MLANA: variants seen among roughly 807,000 people sequenced by gnomAD.
MLANA encodes melan-A, also known as melanoma antigen recognized by T-cells 1.
In MLANA, 21 loss-of-function variants were observed where a neutral mutation model predicts 15.7. The observed-to-expected ratio is 1.33, with a 90% CI of 0.95 to 1.92. MLANA has a LOEUF of 1.92. Among genes scored for constraint, MLANA ranks in the 40% most tolerant of loss-of-function variants. MLANA has a pLI of 0.00. For missense variants in MLANA, 164 were observed against 143.8 expected, an observed-to-expected ratio of 1.14 and a Z score of -0.72; for synonymous variants, 56 against 51.5, an observed-to-expected ratio of 1.09 and a Z score of -0.37.
rs1482795840 is a variant in MLANA, at chr9:5,894,754, C to T, written c.77+2203C>T. Among the ~76,000 whole-genome samples, 1 of 152,132 alleles carries T rather than the reference C, an allele frequency of 6.6e-6. No homozygotes were observed. ...TGGAAGGAGCTGCTCCTTCTTGATGCCCCAGGTTTGTAGGCACCCTCTAGA... is the reference window on the plus strand; with the variant it reads ...TGGAAGGAGCTGCTCCTTCTTGATGTCCCAGGTTTGTAGGCACCCTCTAGA... On this transcript the variant is annotated intron_variant, in intron 2 of 4. Coordinates refer to ENST00000381477, the MANE Select transcript of MLANA (RefSeq NM_005511.2). This position sits in a 1 kb window ranked among gnomAD's most constrained non-coding sequence, Gnocchi z 4.0.
rs1833041688 is a variant in MLANA at position 5,909,617 on chromosome 9, C to T, written c.*909C>T. On this transcript the variant is annotated 3_prime_UTR_variant, in exon 5 of 5. Transcript: ENST00000381477. ...TCTAATTACATTTCACTTCAAGGCT[C>T]AATGCTATTCTAACTAATGACAAGT... 3 of 152,196 alleles carry T rather than the reference C, an allele frequency of 2.0e-5. No individual in the cohort carries two copies. Among genetic ancestry groups the T allele is most frequent in the African/African-American group, 7.2e-5 (3 of 41,446 alleles). 9.4% of individuals were successfully genotyped at this position (152,196 alleles called of 1,614,324 possible).
At position 5,897,561 on chromosome 9, in the gene MLANA, G is replaced by T. The variant is rs371000952; in HGVS notation, c.82G>T (p.Ala28Ser). The T allele has an allele frequency of 8.7e-6, 14 of 1,613,862 alleles. No individual in the cohort carries two copies. Among genetic ancestry groups the T allele is most frequent in the Non-Finnish European group, 2.5e-6 (3 of 1,179,818 alleles). The change falls in exon 3 of 5, where the codon GCT becomes TCT. Residue 28 changes from alanine (A) to serine (S), a missense_variant. Transcript: ENST00000381477. ...TTTGTCTATCTCTTGGGCCAGGGCC[G>T]CTGGGATCGGCATCCTGACAGTGAT... ...GHSYTTAEEA[A>S]GIGILTVILG...
In MLANA at chr9:5,908,818, G is replaced by C. The variant is rs2130011801; in HGVS notation, c.*110G>C. 1 of 1,018,780 alleles carries C rather than the reference G, an allele frequency of 9.8e-7. No individual in the cohort carries two copies. The highest frequency in any genetic ancestry group is 1.6e-5 in the African/African-American group (1 of 62,546). The allele number at this position is 1,018,780 out of a possible 1,614,324, so 63.1% of individuals were successfully genotyped here. A position where few individuals can be genotyped will look rare whatever the true frequency, so the allele number is the denominator to read the frequency against. On this transcript the variant is annotated 3_prime_UTR_variant, in exon 5 of 5. Coordinates refer to ENST00000381477, the MANE Select transcript of MLANA (RefSeq NM_005511.2). ...TTGGAATGGTGTAGGAAAAATGCAAGCCATCTCTAATAATAAGTCAGTGTT... is the reference window on the plus strand; with the variant it reads ...TTGGAATGGTGTAGGAAAAATGCAACCCATCTCTAATAATAAGTCAGTGTT...
chr9:5,907,812 G>C (rs895387835), intron 4 of MLANA, among the ~76,000 whole-genome samples: 1 of 152,156 alleles, frequency 6.6e-6, no homozygotes, highest in Non-Finnish European at 1.5e-5. Flanking sequence ...AATTAGCCAA[G>C]CGTGGTGGTG....
intron 1 of MLANA, chr9:5,891,348 T>G (rs1831646213): frequency 6.6e-6 from 1 of 152,254 alleles, no homozygotes; most frequent in African/African-American, 2.4e-5. Context: ...AAGATTCCAT[T>G]CTGTCATTTT....
At chr9:5,902,381 A>G (rs1428899655) in intron 3 of MLANA, among the ~76,000 whole-genome samples, 4 of 152,180 alleles carry the variant, frequency 2.6e-5, no homozygotes, top group Non-Finnish European at 5.9e-5. Flanking sequence ...GCCTAGCTAA[A>G]GGCTTATCAA....
chr9:5,905,808 A>T (rs1832765875), intron 3 of MLANA, among the ~76,000 whole-genome samples: 1 of 152,152 alleles, frequency 6.6e-6, no homozygotes, highest in Non-Finnish European at 1.5e-5. Flanking sequence ...TATAAAACCA[A>T]ATCATAACCC....
intron 3 of MLANA, among the ~76,000 whole-genome samples, chr9:5,900,121 T>C (rs1832318086): frequency 6.6e-6 from 1 of 152,242 alleles, no homozygotes; most frequent in Admixed American, 6.5e-5. Flanking sequence ...AGTTTGATCC[T>C]ATTGAACACA....
intron 2 of MLANA, among the ~76,000 whole-genome samples, chr9:5,893,334 C>G (rs2150704): frequency 0.62 from 93,603 of 152,018 alleles, 30,773 homozygotes; most frequent in Non-Finnish European, 0.75. Flanking sequence ...GCGTGGGACT[C>G]TAACAGGACA....
intron 3 of MLANA, among the ~76,000 whole-genome samples, chr9:5,904,315 T>C (rs756516537): frequency 6.6e-6 from 1 of 152,254 alleles, no homozygotes; most frequent in Non-Finnish European, 1.5e-5. Flanking sequence ...TAGTTATTGA[T>C]ATAGTTGGAT....
At chr9:5,900,711 A>C (rs1832356504) in intron 3 of MLANA, among the ~76,000 whole-genome samples, 1 of 152,132 alleles carries the variant, frequency 6.6e-6, no homozygotes, top group Non-Finnish European at 1.5e-5. Context: ...CTTGGTTAAC[A>C]ATTCCCCTGA....
At chr9:5,907,701 C>G (rs950704778) in intron 4 of MLANA, among the ~76,000 whole-genome samples, 1 of 152,126 alleles carries the variant, frequency 6.6e-6, no homozygotes, top group African/African-American at 2.4e-5. Flanking sequence ...ACCTGTAATC[C>G]CAGCACTTCG....
chr9:5,905,248 A>C (rs1032922471), intron 3 of MLANA, among the ~76,000 whole-genome samples: 1 of 152,178 alleles, frequency 6.6e-6, no homozygotes, highest in Non-Finnish European at 1.5e-5. Context: ...TAAATCCTCC[A>C]AACAACTGAA....
At chr9:5,892,211 T>C (rs1831699260) in intron 1 of MLANA, among the ~76,000 whole-genome samples, 1 of 152,228 alleles carries the variant, frequency 6.6e-6, no homozygotes, top group South Asian at 2.1e-4. Flanking sequence ...TTGCTTTTGT[T>C]TGTAGTTTCT....
intron 1 of MLANA, chr9:5,891,149 A>T (rs1831634338): frequency 1.3e-5 from 2 of 152,168 alleles, no homozygotes; most frequent in South Asian, 4.1e-4. Context: ...ACCAAGAAGA[A>T]AAGCAATTAT....
Position 5,908,843 on chromosome 9 carries a change from T to A in MLANA, c.*135T>A. 1 of 783,102 alleles carries A rather than the reference T, an allele frequency of 1.3e-6. No individual in the cohort carries two copies. The allele number at this position is 783,102 out of a possible 1,614,324, so 48.5% of individuals were successfully genotyped here. A position where few individuals can be genotyped will look rare whatever the true frequency, so the allele number is the denominator to read the frequency against. On this transcript the variant is annotated 3_prime_UTR_variant, in exon 5 of 5. Coordinates refer to ENST00000381477, the MANE Select transcript of MLANA (RefSeq NM_005511.2). ...GCCATCTCTAATAATAAGTCAGTGT[T>A]AAAATTTTAGTAGGTCCGCTAGCAG...
At position 5,894,015 on chromosome 9, in the gene MLANA, G is replaced by A. The variant is rs780538964; in HGVS notation, c.77+1464G>A. Among the ~76,000 whole-genome samples the A allele has an allele frequency of 2.6e-5, 4 of 151,756 alleles. No individual in the cohort carries two copies. The highest frequency in any genetic ancestry group is 5.9e-5 in the Non-Finnish European group (4 of 68,008). On this transcript the variant is annotated intron_variant, in intron 2 of 4. Transcript: ENST00000381477. This position sits in a 1 kb window ranked among gnomAD's most constrained non-coding sequence, Gnocchi z 4.0. The stretch of plus-strand genomic sequence containing the variant: ...ATGTGTGGCCAGACATGGTGGCGCT[G>A]GGATTTAAATCCAGGTCTGTTTGCC...
intron 3 of MLANA, among the ~76,000 whole-genome samples, chr9:5,904,518 GCT>G (rs1563819669): frequency 3.9e-5 from 6 of 152,102 alleles, no homozygotes; most frequent in Admixed American, 3.9e-4. Context: ...TGTCGCCCAG[GCT>G]GGAGTGCAGT....
intron 3 of MLANA, among the ~76,000 whole-genome samples, chr9:5,903,482 A>G (rs944295738): frequency 3.3e-5 from 5 of 152,052 alleles, no homozygotes; most frequent in Non-Finnish European, 7.4e-5. Context: ...TTTTCTTGTA[A>G]TATCTTTGTT....
Sources: gnomAD v4.1 joint callset for allele counts (sites outside exome capture counted in the v4.1 genomes callset) on GRCh38, gnomAD v4.1.1 for gene constraint, Gnocchi (gnomAD v3.1) non-coding constraint, MANE v1.5 for transcripts, NCBI Gene and HGNC (gene_info 2026-07-23, HGNC 2026-07-21) for gene names.